LANCL2: variants seen among roughly 807,000 people sequenced by gnomAD.
LANCL2 encodes the protein LanC like glutathione S-transferase 2, also known as lanC-like protein 2.
A neutral mutation model predicts 56.9 loss-of-function variants in LANCL2; 33 were observed. That is an observed-to-expected ratio of 0.58 (90% CI 0.44 to 0.78). The LOEUF is 0.78. LANCL2 is among the 30% of genes least tolerant of loss of function. The pLI is 0.00. For synonymous variants in LANCL2, 233 were observed against 228.2 expected (o/e 1.02, Z -0.19); for missense variants, 562 against 580.2 (o/e 0.97, Z 0.32).
intron 1 of LANCL2, among the ~76,000 whole-genome samples, chr7:55,384,100 A>G (rs548228018): frequency 6.6e-6 from 1 of 152,324 alleles, no homozygotes; most frequent in African/African-American, 2.4e-5. Context: ...AAATGAAGGG[A>G]AAAAGAAAGG....
chr7:55,381,262 T>C (rs919887317), intron 1 of LANCL2, among the ~76,000 whole-genome samples: 2 of 152,156 alleles, frequency 1.3e-5, no homozygotes, highest in African/African-American at 4.8e-5. Context: ...CTAAGTTTCA[T>C]TTACATGGTG....
At chr7:55,373,643 C>T (rs1181703717) in intron 1 of LANCL2, among the ~76,000 whole-genome samples, 5 of 151,988 alleles carry the variant, frequency 3.3e-5, no homozygotes, top group Non-Finnish European at 5.9e-5. Flanking sequence ...GAAATAAGAA[C>T]GCAGTAGGTA....
rs866629209 is a variant in LANCL2, at chr7:55,402,578, C to T, written c.825+1258C>T. ...CTGACCCCCCCACATCCTTCCCGGA[C>T]GGGGCGGCTGGCCAGGCGGGGGATG... On this transcript the variant is annotated intron_variant, in intron 5 of 8. Transcript: ENST00000254770. 1.5e-3 allele frequency among the ~76,000 whole-genome samples: 88 copies of T among 57,938 alleles called. No individual in the cohort carries two copies. The Middle Eastern group carries it at 0.038, about 25-fold the overall frequency. The allele number at this position is 57,938 out of a possible 152,430, so 38.0% of individuals were successfully genotyped here. A position where few individuals can be genotyped will look rare whatever the true frequency, so the allele number is the denominator to read the frequency against.
chr7:55,427,857 G>C (rs1478774670), intron 7 of LANCL2, among the ~76,000 whole-genome samples: 2 of 152,228 alleles, frequency 1.3e-5, no homozygotes, highest in Non-Finnish European at 2.9e-5. Context: ...GGAGAGCACA[G>C]GGAGGGCTGA....
At chr7:55,394,736 A>T (rs1357624717) in intron 2 of LANCL2, among the ~76,000 whole-genome samples, 2 of 148,974 alleles carry the variant, frequency 1.3e-5, no homozygotes, top group Non-Finnish European at 3.0e-5. Context: ...AATCACTCCG[A>T]CCCCACCCAC....
chr7:55,366,049 G>T lies in LANCL2; in HGVS notation c.24G>T (p.Arg8Ser), dbSNP rs771039477. Residue 8 changes from arginine to serine, a missense_variant, in exon 1 of 9, where the codon AGG becomes AGT. Physicochemically the swap from Arg to Ser is moderately radical, Grantham distance 110 (BLOSUM62 -1). Around this residue, in one of 2 missense-constraint regions of LANCL2, gnomAD observed 184 missense variants for 111.8 expected, o/e 1.65. Coordinates refer to ENST00000254770, the MANE Select transcript of LANCL2 (RefSeq NM_018697.4). MGETMSK[R>S]LKLHLGGEAE... The stretch of plus-strand genomic sequence containing the variant: ...AGATGGGCGAGACCATGTCAAAGAG[G>T]CTGAAGCTCCACCTGGGAGGGGAGG... 1 of 1,515,384 alleles carries T rather than the reference G, an allele frequency of 6.6e-7. No homozygotes were observed. Among genetic ancestry groups the T allele is most frequent in the Non-Finnish European group, 8.9e-7 (1 of 1,126,828 alleles). The allele number at this position is 1,515,384 out of a possible 1,614,324, so 93.9% of individuals were successfully genotyped here. A position where few individuals can be genotyped will look rare whatever the true frequency, so the allele number is the denominator to read the frequency against.
chr7:55,375,981 A>G (rs6945842), intron 1 of LANCL2, among the ~76,000 whole-genome samples: 3,209 of 152,220 alleles, frequency 0.021, 130 homozygotes, highest in African/African-American at 0.073. Flanking sequence ...TATATTTCTG[A>G]CTTAAATAGG....
chr7:55,419,567 A>G (rs929908379), intron 6 of LANCL2, among the ~76,000 whole-genome samples: 1 of 151,672 alleles, frequency 6.6e-6, no homozygotes, highest in Non-Finnish European at 1.5e-5. Context: ...ACGCCTGACT[A>G]ATTTTTGTGT....
intron 6 of LANCL2, among the ~76,000 whole-genome samples, chr7:55,423,304 G>GCAGCCT (rs752799133): frequency 6.6e-6 from 1 of 152,200 alleles, no homozygotes; most frequent in South Asian, 2.1e-4. Flanking sequence ...CATGGCTCTA[G>GCAGCCT]CAGCCTCAGC....
intron 1 of LANCL2, among the ~76,000 whole-genome samples, chr7:55,375,630 G>A (rs749033690): frequency 2.4e-4 from 37 of 152,228 alleles, no homozygotes; most frequent in African/African-American, 8.2e-4. Context: ...GTTTAAAGCA[G>A]CACCTATTTA....
At chr7:55,374,997 A>G (rs1371775463) in intron 1 of LANCL2, among the ~76,000 whole-genome samples, 1 of 152,194 alleles carries the variant, frequency 6.6e-6, no homozygotes, top group African/African-American at 2.4e-5. Context: ...CAAATACCCC[A>G]TTTATTAGGA....
chr7:55,405,531 C>G (rs1485889126), intron 5 of LANCL2, among the ~76,000 whole-genome samples: 3 of 145,246 alleles, frequency 2.1e-5, no homozygotes, highest in Non-Finnish European at 4.5e-5. Flanking sequence ...CTCACTTTTG[C>G]CCAAGCTAGA....
intron 5 of LANCL2, among the ~76,000 whole-genome samples, chr7:55,407,813 C>A (rs1023881732): frequency 1.3e-5 from 2 of 152,250 alleles, no homozygotes; most frequent in African/African-American, 4.8e-5. Context: ...ATCTCTTTCT[C>A]TACTTTTACA....
Position 55,366,090 on chromosome 7 carries a change from G to A in LANCL2, c.65G>A (p.Arg22Gln). 6.5e-7 allele frequency: 1 copy of A among 1,535,432 alleles called. No individual in the cohort carries two copies. The highest frequency in any genetic ancestry group is 8.8e-7 in the Non-Finnish European group (1 of 1,137,160). The stretch of plus-strand genomic sequence containing the variant: ...GGAGGGGAGGCAGAAATGGAGGAAC[G>A]GGCGTTCGTCAACCCCTTCCCGGAC... ...HLGGEAEMEE[R>Q]AFVNPFPDYE... is the part of the protein sequence containing the mutation. The change falls in exon 1 of 9, where the codon CGG becomes CAG. Residue 22 changes from arginine (R) to glutamine (Q), a missense_variant. Around this residue, in one of 2 missense-constraint regions of LANCL2, gnomAD observed 184 missense variants for 111.8 expected, o/e 1.65. Coordinates refer to ENST00000254770, the MANE Select transcript of LANCL2 (RefSeq NM_018697.4).
chr7:55,386,858 G>C (rs1417054264), intron 1 of LANCL2, among the ~76,000 whole-genome samples: 1 of 152,184 alleles, frequency 6.6e-6, no homozygotes, highest in Non-Finnish European at 1.5e-5. Context: ...TGGAATGTAG[G>C]ATATTGGACC....
rs768874938 is a variant in LANCL2 at position 55,412,072 on chromosome 7, C to T, written c.991C>T (p.Leu331Phe). Reference sequence around the variant, plus strand: ...CGGCGCCCCGGGGGTCATCCACATGCTCATGCAGGCGTACAAGGTCAGTGC... The same window carrying T: ...CGGCGCCCCGGGGGTCATCCACATGTTCATGCAGGCGTACAAGGTCAGTGC... Reference protein sequence around the residue: ...CHGAPGVIHMLMQAYKVFKEE... With the variant: ...CHGAPGVIHMFMQAYKVFKEE... The change falls in exon 6 of 9, where the codon CTC (leucine) becomes TTC (phenylalanine). Residue 331 changes from leucine (L) to phenylalanine (F), a missense_variant. By Grantham distance (22) the Leu-to-Phe change is conservative (BLOSUM62 0). Coordinates refer to ENST00000254770, the MANE Select transcript of LANCL2 (RefSeq NM_018697.4). The T allele has an allele frequency of 1.9e-6, 3 of 1,614,036 alleles. No individual in the cohort carries two copies. Among genetic ancestry groups the T allele is most frequent in the Non-Finnish European group, 1.7e-6 (2 of 1,179,914 alleles).
intron 1 of LANCL2, among the ~76,000 whole-genome samples, chr7:55,391,095 T>C (rs944374945): frequency 6.7e-6 from 1 of 150,258 alleles, no homozygotes; most frequent in Non-Finnish European, 1.5e-5. Context: ...CGGCTCACTG[T>C]AAGCTCCGCC....
At chr7:55,426,803 T>C (rs896221703) in intron 7 of LANCL2, among the ~76,000 whole-genome samples, 1 of 152,110 alleles carries the variant, frequency 6.6e-6, no homozygotes, top group Non-Finnish European at 1.5e-5. Flanking sequence ...GCACGGGGGA[T>C]GGGGCAAAAC....
intron 1 of LANCL2, among the ~76,000 whole-genome samples, chr7:55,378,460 CAAA>C (rs1211244584): frequency 6.7e-6 from 1 of 149,194 alleles, no homozygotes; most frequent in African/African-American, 2.5e-5. Flanking sequence ...GACTCAGTCT[CAAA>C]AAAAAGGAAA....
Sources: allele counts gnomAD v4.1 joint callset (sites outside exome capture counted in the v4.1 genomes callset), GRCh38; gene constraint gnomAD v4.1.1; regional missense constraint gnomAD v4.1.1; transcripts MANE v1.5; gene names NCBI Gene and HGNC (gene_info 2026-07-23, HGNC 2026-07-21).